The following C4BPA variants were observed in gnomAD, a reference collection of about 807,000 sequenced individuals.
C4BPA encodes C4b-binding protein alpha chain.
C4BPA carries 31 observed loss-of-function variants against 63.7 expected under a neutral mutation model. That is an observed-to-expected ratio of 0.49 (90% CI 0.37 to 0.66). The LOEUF (loss-of-function observed/expected upper bound fraction) is 0.66, where lower values mean the gene tolerates loss of function less well. Among genes scored for constraint, C4BPA ranks in the 30% least tolerant of loss-of-function variants. The pLI is 0.00. For synonymous variants in C4BPA, 259 were observed against 254.7 expected (o/e 1.02, Z -0.16); for missense variants, 572 against 723.3 (o/e 0.79, Z 2.40).
At chr1:207,135,686 A>G (rs1012918759) in intron 9 of C4BPA, among the ~76,000 whole-genome samples, 52 of 152,198 alleles carry the variant, frequency 3.4e-4, no homozygotes, top group African/African-American at 1.2e-3. Flanking sequence ...AGAGCCATAT[A>G]AAAGTCGATA....
At position 207,141,133 on chromosome 1, in the gene C4BPA, A is replaced by G. The variant is rs564285339; in HGVS notation, c.1301A>G (p.His434Arg). The G allele has an allele frequency of 6.8e-6, 11 of 1,612,100 alleles. No homozygotes were observed. In the East Asian group the frequency reaches 2.2e-4, roughly 33 times the overall value. Residue 434 changes from histidine (H) to arginine (R), a missense_variant, in exon 10 of 12, where the codon CAT becomes CGT. Physicochemically the swap from His to Arg is conservative, Grantham distance 29. Around this residue, in one of 2 missense-constraint regions of C4BPA, gnomAD observed 465 missense variants for 629.4 expected, o/e 0.74. Transcript: ENST00000367070. ...TGCAATTTTCCTCCTAAAATTGCCC[A>G]TGGGCATTATAAACAATCTAGTTCA... is the stretch of plus-strand genomic sequence containing the variant. Reference protein sequence around the residue: ...DICNFPPKIAHGHYKQSSSYS... With the variant: ...DICNFPPKIARGHYKQSSSYS...
Position 207,143,957 on chromosome 1 carries a change from C to T in C4BPA, c.1584C>T (p.Asn528=), listed in dbSNP as rs564518523. The change falls in exon 11 of 12, where the codon AAC becomes AAT. Residue 528 remains asparagine (N), a synonymous_variant. Transcript: ENST00000367070. ...VGPQSITCSG[N]RTWYPEVPKC... ...CCCAAAGTATCACTTGCTCTGGGAACAGAACCTGGTACCCAGAGGTGCCCA... is the reference window on the plus strand; with the variant it reads ...CCCAAAGTATCACTTGCTCTGGGAATAGAACCTGGTACCCAGAGGTGCCCA... 88 of 1,604,214 alleles carry T rather than the reference C, an allele frequency of 5.5e-5. 1 individual carries two copies. The South Asian group carries it at 9.2e-4, about 17-fold the overall frequency.
At chr1:207,122,359 TC>T (rs2102338973) in intron 4 of C4BPA, among the ~76,000 whole-genome samples, 1 of 152,328 alleles carries the variant, frequency 6.6e-6, no homozygotes, top group African/African-American at 2.4e-5. Flanking sequence ...TGCTGCACTA[TC>T]TTTTGCTAGT....
rs9943269 is a variant in C4BPA, at chr1:207,118,866, T to A, written c.428+3351T>A. ...GTCAGTCAGGATTTACCTGGAGAAATAGAACCGCAGGATTTATTGTAGGGA... is the reference window on the plus strand; with the variant it reads ...GTCAGTCAGGATTTACCTGGAGAAAAAGAACCGCAGGATTTATTGTAGGGA... On this transcript the variant is annotated intron_variant, in intron 4 of 11. Transcript: ENST00000367070. Among the ~76,000 whole-genome samples, 5 of 152,268 alleles carry A rather than the reference T, an allele frequency of 3.3e-5. No homozygotes were observed. The East Asian group carries it at 7.7e-4, about 23-fold the overall frequency.
intron 1 of C4BPA, among the ~76,000 whole-genome samples, chr1:207,108,169 GAGTCAAA>G (rs1684596609): frequency 6.6e-6 from 1 of 152,234 alleles, no homozygotes; most frequent in Non-Finnish European, 1.5e-5. Flanking sequence ...AAATCTAACA[GAGTCAAA>G]AAGTTTTAGT....
rs781272565 is a variant in C4BPA at position 207,143,849 on chromosome 1, A to G, written c.1476A>G (p.Gly492=). The G allele has an allele frequency of 1.2e-6, 2 of 1,613,438 alleles. No homozygotes were observed. Among genetic ancestry groups the G allele is most frequent in the Non-Finnish European group, 1.7e-6 (2 of 1,179,504 alleles). Residue 492 remains glycine, a synonymous_variant, in exon 11 of 12, where the codon GGA becomes GGG. Transcript: ENST00000367070. ...GTCGGAAACCAGAATTAGTGAATGG[A>G]AGGTTGTCTGTGGATAAGGATCAGT... ...ALCRKPELVN[G]RLSVDKDQYV...
chr1:207,121,819 A>G (rs771483175), intron 4 of C4BPA, among the ~76,000 whole-genome samples: 2 of 152,104 alleles, frequency 1.3e-5, no homozygotes, highest in Non-Finnish European at 2.9e-5. Flanking sequence ...CAATAAACTT[A>G]TCTTGTATTC....
chr1:207,144,033 C>A (rs781536338), intron 11 of C4BPA, 40 bp downstream of exon 11: 2 of 1,478,762 alleles, frequency 1.4e-6, no homozygotes, highest in Non-Finnish European at 1.8e-6. Flanking sequence ...GCTGTCGACC[C>A]CTAAAAATGG....
intron 4 of C4BPA, among the ~76,000 whole-genome samples, chr1:207,120,709 G>A (rs944155180): frequency 1.7e-4 from 26 of 152,144 alleles, no homozygotes; most frequent in African/African-American, 5.3e-4. Context: ...GTTTTATGGC[G>A]CATCATGATA....
intron 9 of C4BPA, among the ~76,000 whole-genome samples, chr1:207,136,040 A>G (rs141263025): frequency 6.6e-6 from 1 of 152,336 alleles, no homozygotes; most frequent in Non-Finnish European, 1.5e-5. Flanking sequence ...GTTCTATCAG[A>G]ATACACTTCT....
intron 11 of C4BPA, 74 bp downstream of exon 11, chr1:207,144,067 C>A: frequency 3.8e-6 from 4 of 1,058,384 alleles, no homozygotes; most frequent in South Asian, 1.7e-5. Context: ...AGCTCTGTAC[C>A]ACTCAACAAT....
chr1:207,140,987 C>T (rs886329391), intron 9 of C4BPA, 119 bp from the exon 10 acceptor site: 2 of 712,086 alleles, frequency 2.8e-6, no homozygotes, highest in South Asian at 2.3e-5. Flanking sequence ...CGTGCTCTTA[C>T]AGGCAGCGAG....
rs1685165972 is a variant in C4BPA, at chr1:207,131,737, G to A, written c.1081G>A (p.Glu361Lys). The change falls in exon 8 of 12, where the codon GAG (glutamate) becomes AAG (lysine). Residue 361 changes from glutamate to lysine, a missense_variant. Transcript: ENST00000367070. ...GAGATGGACCCCATACCAAGGATGT[G>A]AGGGTGAGTTTTTGTTTTTTAATAT... ...NLRWTPYQGC[E>K]ALCCPEPKLN... 6.2e-7 allele frequency: 1 copy of A among 1,605,734 alleles called. No homozygotes were observed. Among genetic ancestry groups the A allele is most frequent in the East Asian group, 2.2e-5 (1 of 44,750 alleles).
chr1:207,136,339 T>G (rs948592867), intron 9 of C4BPA, among the ~76,000 whole-genome samples: 1 of 152,194 alleles, frequency 6.6e-6, no homozygotes, highest in Non-Finnish European at 1.5e-5. Flanking sequence ...TTTACTTGGT[T>G]GTTTAATACC....
At chr1:207,117,711 A>G (rs956109785) in intron 4 of C4BPA, among the ~76,000 whole-genome samples, 13 of 152,200 alleles carry the variant, frequency 8.5e-5, no homozygotes, top group Admixed American at 7.9e-4. Flanking sequence ...TTCTTTGTAC[A>G]GATTTCTCTT....
intron 1 of C4BPA, among the ~76,000 whole-genome samples, chr1:207,109,015 C>A (rs1437271427): frequency 6.6e-6 from 1 of 152,156 alleles, no homozygotes; most frequent in Admixed American, 6.6e-5. Context: ...GCTACCGCGT[C>A]TGACCTGTGG....
chr1:207,116,789 G>C (rs1684800523), intron 4 of C4BPA, among the ~76,000 whole-genome samples: 1 of 151,862 alleles, frequency 6.6e-6, no homozygotes, highest in African/African-American at 2.4e-5. Context: ...TTAATATACA[G>C]TATACAGTAT....
rs1420317435 is a variant in C4BPA at position 207,144,568 on chromosome 1, G to A, written c.1645G>A (p.Val549Met). ...GGAGACCCCCGAAGGCTGTGAACAA[G>A]TGCTCACAGGCAAAAGACTCATGCA... Reference protein sequence around the residue: ...EWETPEGCEQVLTGKRLMQCL... With the variant: ...EWETPEGCEQMLTGKRLMQCL... The change falls in exon 12 of 12, where the codon GTG (valine) becomes ATG (methionine). Residue 549 changes from valine (V) to methionine (M), a missense_variant. Coordinates refer to ENST00000367070, the MANE Select transcript of C4BPA (RefSeq NM_000715.4). 1 of 1,612,072 alleles carries A rather than the reference G, an allele frequency of 6.2e-7. No individual in the cohort carries two copies. The highest frequency in any genetic ancestry group is 8.5e-7 in the Non-Finnish European group (1 of 1,179,522).
At chr1:207,111,204 G>T (rs528769345) in intron 1 of C4BPA, among the ~76,000 whole-genome samples, 1 of 152,300 alleles carries the variant, frequency 6.6e-6, no homozygotes, top group South Asian at 2.1e-4. Context: ...AGTTAGGAAG[G>T]AGGATAATGG....
Sources: gnomAD v4.1 joint callset for allele counts (sites outside exome capture counted in the v4.1 genomes callset) on GRCh38, gnomAD v4.1.1 for gene constraint, gnomAD v4.1.1 regional missense constraint, MANE v1.5 for transcripts, NCBI Gene and HGNC (gene_info 2026-07-23, HGNC 2026-07-21) for gene names.